The following COL6A2 variants were observed in gnomAD, a reference collection of about 807,000 sequenced individuals.
COL6A2 encodes the protein collagen alpha-2(VI) chain.
A neutral mutation model predicts 124.9 loss-of-function variants in COL6A2; 90 were observed. The observed-to-expected ratio is 0.72, with a 90% confidence interval of 0.61 to 0.86. The LOEUF is 0.86. Ranked by LOEUF, COL6A2 falls within the 40% of genes least tolerant of loss-of-function variation. The pLI, the probability that COL6A2 is intolerant of heterozygous loss-of-function variation, is 0.00. For missense variants in COL6A2, 1,607 were observed against 1,502.5 expected, an observed-to-expected ratio of 1.07 and a Z score of -1.15; for synonymous variants, 793 against 618.2, an observed-to-expected ratio of 1.28 and a Z score of -4.19.
chr21:46,115,127 C>G (rs1458945615), intron 5 of COL6A2, among the ~76,000 whole-genome samples: 1 of 152,244 alleles, frequency 6.6e-6, no homozygotes, highest in Non-Finnish European at 1.5e-5. Context: ...GCAGCCTTGG[C>G]TGCACACAGC....
intron 1 of COL6A2, among the ~76,000 whole-genome samples, chr21:46,107,236 A>G (rs932029203): frequency 3.3e-5 from 5 of 152,072 alleles, no homozygotes; most frequent in Non-Finnish European, 7.4e-5. Flanking sequence ...AACTTTTTGT[A>G]TGTTGAGGAC....
chr21:46,122,017 C>T (rs2078574226), intron 18 of COL6A2, 91 bp from the exon 19 acceptor site: 1 of 1,375,866 alleles, frequency 7.3e-7, no homozygotes, highest in South Asian at 1.2e-5. Context: ...CCCACTTCCA[C>T]CCCAGTGTGC....
chr21:46,128,098 G>A (rs936747090), intron 27 of COL6A2, among the ~76,000 whole-genome samples: 5 of 152,198 alleles, frequency 3.3e-5, no homozygotes, highest in South Asian at 2.1e-4. Context: ...GTAGGGTCCT[G>A]TGGTGGCTCC....
chr21:46,117,917 G>A lies in COL6A2; in HGVS notation c.1097G>A (p.Arg366Gln), dbSNP rs368588676. The A allele has an allele frequency of 2.5e-5, 41 of 1,612,978 alleles. No homozygotes were observed. Among genetic ancestry groups the A allele is most frequent in the South Asian group, 1.6e-4 (15 of 90,950 alleles). ...YPGEAGSPGE[R>Q]GDQGGKGDPG... ...GGGGAAGCAGGGAGTCCAGGGGAGC[G>A]AGGAGACCAAGGCGGCAAGGTAAGT... Residue 366 changes from arginine to glutamine, a missense_variant, in exon 12 of 28, where the codon CGA becomes CAA. Physicochemically the swap from Arg to Gln is conservative, Grantham distance 43. Transcript: ENST00000300527.
chr21:46,122,073 A>G (rs1469615022), intron 18 of COL6A2, 35 bp from the exon 19 acceptor site: 2 of 1,610,346 alleles, frequency 1.2e-6, no homozygotes, highest in South Asian at 2.2e-5. Flanking sequence ...ACCCCGTCCT[A>G]TGACCATGCT....
chr21:46,117,348 C>A (rs1480525205), intron 10 of COL6A2, 52 bp from the exon 11 acceptor site: 2 of 1,571,872 alleles, frequency 1.3e-6, no homozygotes, highest in Non-Finnish European at 1.7e-6. Flanking sequence ...CGTTGGCACA[C>A]ATGGACCCCA....
chr21:46,126,944 C>G (rs2078679780), intron 27 of COL6A2, among the ~76,000 whole-genome samples: 1 of 152,186 alleles, frequency 6.6e-6, no homozygotes, highest in Non-Finnish European at 1.5e-5. Flanking sequence ...GGTGGAAGCA[C>G]TGACACCCCC....
chr21:46,132,607 C>A lies in COL6A2; in HGVS notation c.*55C>A. 6.6e-7 allele frequency: 1 copy of A among 1,504,704 alleles called. No homozygotes were observed. The highest frequency in any genetic ancestry group is 1.2e-5 in the South Asian group (1 of 84,644). 93.2% of individuals were successfully genotyped at this position (1,504,704 alleles called of 1,614,324 possible). On this transcript the variant is annotated 3_prime_UTR_variant, in exon 28 of 28. Coordinates refer to ENST00000300527, the MANE Select transcript of COL6A2 (RefSeq NM_001849.4). ...TCGTGAGCCCACCCCGTCCATGGTG[C>A]TAAGCGGGCCCGGGTCCCACACGGC... is the stretch of plus-strand genomic sequence containing the variant.
rs374795477 is a variant in COL6A2 at position 46,126,032 on chromosome 21, C to T, written c.2217C>T (p.Asp739=). 20 of 1,612,860 alleles carry T rather than the reference C, an allele frequency of 1.2e-5. No individual in the cohort carries two copies. Among genetic ancestry groups the T allele is most frequent in the African/African-American group, 8.0e-5 (6 of 74,912 alleles). ...CGGACGGGCGCCACGACCCTCGGGA[C>T]GATGACCTCAACTTGCGGGCGCTGT... The part of the protein sequence containing the change: ...VITDGRHDPR[D]DDLNLRALCD... Residue 739 remains aspartate, a synonymous_variant, in exon 26 of 28, where the codon GAC becomes GAT. Transcript: ENST00000300527.
intron 11 of COL6A2, 79 bp from the exon 12 acceptor site, chr21:46,117,795 A>G: frequency 6.9e-7 from 1 of 1,452,642 alleles, no homozygotes; most frequent in Non-Finnish European, 9.5e-7. Flanking sequence ...GGGCTGGGAC[A>G]ATGGAGCACT....
intron 27 of COL6A2, among the ~76,000 whole-genome samples, chr21:46,128,037 T>C (rs2078700415): frequency 6.6e-6 from 1 of 152,172 alleles, no homozygotes; most frequent in South Asian, 2.1e-4. Flanking sequence ...AGCCTGCACT[T>C]TTCTTTTCTC....
chr21:46,131,398 T>C (rs1413003915), intron 27 of COL6A2, among the ~76,000 whole-genome samples: 1 of 152,146 alleles, frequency 6.6e-6, no homozygotes, highest in African/African-American at 2.4e-5. Flanking sequence ...CCACAGAAGG[T>C]CTGGCTGCCC....
At chr21:46,124,736 T>C in intron 22 of COL6A2, 23 bp downstream of exon 22, 1 of 1,611,110 alleles carries the variant, frequency 6.2e-7, no homozygotes, top group Non-Finnish European at 8.5e-7. Flanking sequence ...CCAGTCCCCA[T>C]GCCCTCCCCC....
chr21:46,115,635 C>T (rs543192681), intron 5 of COL6A2, among the ~76,000 whole-genome samples: 9 of 152,310 alleles, frequency 5.9e-5, no homozygotes, highest in African/African-American at 2.2e-4. Flanking sequence ...CTTCTGGCTC[C>T]ATTTTGCAGG....
chr21:46,119,214 C>G, intron 14 of COL6A2, 95 bp downstream of exon 14: 3 of 967,092 alleles, frequency 3.1e-6, no homozygotes, highest in Non-Finnish European at 4.8e-6. Flanking sequence ...GGGCTGTAGG[C>G]AGGATCCCCT....
chr21:46,117,802 C>G, intron 11 of COL6A2, 72 bp from the exon 12 acceptor site: 1 of 1,481,064 alleles, frequency 6.8e-7, no homozygotes, highest in South Asian at 1.2e-5. Context: ...GACAATGGAG[C>G]ACTTGGGCCC....
intron 25 of COL6A2, 39 bp downstream of exon 25, chr21:46,125,656 C>T (rs779404271): frequency 6.0e-5 from 48 of 806,560 alleles, no homozygotes; most frequent in Admixed American, 1.2e-4. Context: ...TGCGGGGGGC[C>T]GGGCGGGGCG....
intron 11 of COL6A2, among the ~76,000 whole-genome samples, 174 bp from the exon 12 acceptor site, chr21:46,117,700 G>A (rs1002347432): frequency 6.6e-6 from 1 of 152,214 alleles, no homozygotes; most frequent in East Asian, 1.9e-4. Flanking sequence ...TCACTGGACA[G>A]CTCCATTTCC....
intron 1 of COL6A2, among the ~76,000 whole-genome samples, chr21:46,107,470 G>A (rs1449520090): frequency 6.6e-6 from 1 of 152,166 alleles, no homozygotes; most frequent in Non-Finnish European, 1.5e-5. Context: ...CTGCAAAGCT[G>A]TCCTTTACTG....
Sources: gnomAD v4.1 joint callset for allele counts (sites outside exome capture counted in the v4.1 genomes callset) on GRCh38, gnomAD v4.1.1 for gene constraint, MANE v1.5 for transcripts, NCBI Gene and HGNC (gene_info 2026-07-23, HGNC 2026-07-21) for gene names.